Variants in PARP4 observed in about 807,000 individuals in gnomAD.
PARP4 encodes poly(ADP-ribose) polymerase family member 4.
Under a neutral mutation model 187.7 loss-of-function variants are expected in PARP4, and 120 were observed. That is an observed-to-expected ratio of 0.64 (90% CI 0.55 to 0.74). The LOEUF (loss-of-function observed/expected upper bound fraction) is 0.74, where lower values mean the gene tolerates loss of function less well. Among genes scored for constraint, PARP4 ranks in the 30% least tolerant of loss-of-function variants. PARP4 has a pLI of 0.00. For missense variants in PARP4, 1,836 were observed against 2,070.5 expected (o/e 0.89, Z 2.20); for synonymous variants, 654 against 740.9 (o/e 0.88, Z 1.90).
At chr13:24,492,631 C>A (rs766045170) in intron 8 of PARP4, 37 bp from the exon 9 acceptor site, 18 of 1,528,404 alleles carry the variant, frequency 1.2e-5, no homozygotes, top group Non-Finnish European at 1.6e-5. Flanking sequence ...ACAATGAAAT[C>A]TCAATACAGA....
At chr13:24,472,523 G>A (rs1474500338) in intron 15 of PARP4, among the ~76,000 whole-genome samples, 18 of 152,130 alleles carry the variant, frequency 1.2e-4, no homozygotes, top group Non-Finnish European at 2.2e-4. Flanking sequence ...GTACTTGAAC[G>A]TTCTTAATCT....
chr13:24,475,320 G>C (rs1434896852), intron 15 of PARP4, 152 bp downstream of exon 15: 2 of 700,262 alleles, frequency 2.9e-6, no homozygotes, highest in African/African-American at 1.8e-5. Flanking sequence ...AGCCTAGCTA[G>C]TCCCTGGCAT....
At chr13:24,453,842 C>T (rs149928782) in intron 22 of PARP4, among the ~76,000 whole-genome samples, 188 bp from the exon 23 acceptor site, 119 of 152,234 alleles carry the variant, frequency 7.8e-4, no homozygotes, top group Non-Finnish European at 1.2e-3. Context: ...AGGCCAGGCA[C>T]GGTGGCTCAT....
At chr13:24,452,702 A>C (rs758515988) in intron 23 of PARP4, 109 bp from the exon 24 acceptor site, 2 of 794,254 alleles carry the variant, frequency 2.5e-6, no homozygotes, top group East Asian at 2.7e-5. Flanking sequence ...GACACCGAAA[A>C]TATTTTCTTT....
intron 33 of PARP4, among the ~76,000 whole-genome samples, chr13:24,424,081 T>A (rs1020752611): frequency 1.3e-5 from 2 of 152,154 alleles, no homozygotes; most frequent in African/African-American, 4.8e-5. Flanking sequence ...CGTCTCAGCC[T>A]CCTAAAGTGC....
rs1228257121 is a variant in PARP4, at chr13:24,431,408, G to A, written c.4815C>T (p.Ser1605=). The A allele has an allele frequency of 6.3e-7, 1 of 1,597,492 alleles. No individual in the cohort carries two copies. The highest frequency in any genetic ancestry group is 1.8e-5 in the Admixed American group (1 of 56,236). Residue 1605 remains serine, a synonymous_variant, in exon 32 of 34, where the codon AGC becomes AGT. Transcript: ENST00000381989. The part of the protein sequence containing the change: ...ILNLNTNGLH[S]FLKQKGIQSL... ...ATTGAATGCCTTTTTGTTTAAGAAA[G>A]CTGTGCAAACCATTTGTATTAAGAT...
At chr13:24,431,702 AAAG>A (rs1778114154) in intron 31 of PARP4, among the ~76,000 whole-genome samples, 3 of 152,248 alleles carry the variant, frequency 2.0e-5, no homozygotes, top group Non-Finnish European at 4.4e-5. Context: ...TTAAATGAAA[AAAG>A]AAGTTATGTG....
chr13:24,450,054 T>C (rs897045609), intron 24 of PARP4, among the ~76,000 whole-genome samples: 12 of 148,780 alleles, frequency 8.1e-5, no homozygotes, highest in Admixed American at 4.0e-4. Flanking sequence ...TAGAAAAAAG[T>C]TGAAATTCTT....
At chr13:24,433,256 C>T (rs61947016) in intron 31 of PARP4, among the ~76,000 whole-genome samples, 1 of 152,096 alleles carries the variant, frequency 6.6e-6, no homozygotes, top group Non-Finnish European at 1.5e-5. Context: ...TTTTGACCTC[C>T]ACATTCTCAC....
chr13:24,473,070 A>G (rs1872801303), intron 15 of PARP4, among the ~76,000 whole-genome samples: 2 of 151,972 alleles, frequency 1.3e-5, no homozygotes, highest in Admixed American at 1.3e-4. Context: ...AGATGGGACT[A>G]CAGGTGTACG....
intron 1 of PARP4, among the ~76,000 whole-genome samples, chr13:24,510,341 TCAGGAGATCGAGGC>T (rs1348979910): frequency 6.6e-6 from 1 of 151,828 alleles, no homozygotes; most frequent in Non-Finnish European, 1.5e-5. Flanking sequence ...GATCACGAGG[TCAGGAGATCGAGGC>T]CATCCCGGCT....
At chr13:24,506,419 C>T (rs890941291) in intron 1 of PARP4, among the ~76,000 whole-genome samples, 1 of 152,166 alleles carries the variant, frequency 6.6e-6, no homozygotes. Context: ...GTTGCCACTG[C>T]TAGCTCGGGC....
intron 30 of PARP4, among the ~76,000 whole-genome samples, chr13:24,441,135 G>A (rs1870906262): frequency 6.6e-6 from 1 of 151,926 alleles, no homozygotes. Context: ...GCCTCCCATA[G>A]TGCTGGAATT....
At chr13:24,442,552 A>G in intron 29 of PARP4, 38 bp downstream of exon 29, 1 of 1,169,586 alleles carries the variant, frequency 8.6e-7, no homozygotes, top group Non-Finnish European at 1.3e-6. Context: ...GGAAATACAA[A>G]TAAAATAATT....
rs1157720639 is a variant in PARP4, at chr13:24,426,027, A to G, written c.4979+439T>C. On this transcript the variant is annotated intron_variant, in intron 33 of 33. Coordinates refer to ENST00000381989, the MANE Select transcript of PARP4 (RefSeq NM_006437.4). ...AACACATTTAATCTAATAGTTTGCTAGTTTGATTTATAACCTTTAAACACT... is the reference window on the plus strand; with the variant it reads ...AACACATTTAATCTAATAGTTTGCTGGTTTGATTTATAACCTTTAAACACT... Among the ~76,000 whole-genome samples, 4 of 152,308 alleles carry G rather than the reference A, an allele frequency of 2.6e-5. No homozygotes were observed. In the East Asian group the frequency reaches 5.8e-4, roughly 22 times the overall value.
rs753039978 is a variant in PARP4, at chr13:24,498,134, G to A, written c.573C>T (p.Leu191=). Residue 191 remains leucine, a synonymous_variant, in exon 6 of 34, where the codon CTC becomes CTT. Transcript: ENST00000381989. ...GCATTACCTCCATGCCATCATCCAG[G>A]AGGAAGTGTGAGGATATCAGGAAAG... is the stretch of plus-strand genomic sequence containing the variant. ...DCPFLISSHF[L]LDDGMETRRQ... 4.0e-5 allele frequency: 64 copies of A among 1,611,658 alleles called. No individual in the cohort carries two copies. The South Asian group carries it at 6.8e-4, about 17-fold the overall frequency.
At chr13:24,438,374 C>A (rs1294745813) in intron 30 of PARP4, among the ~76,000 whole-genome samples, 1 of 152,202 alleles carries the variant, frequency 6.6e-6, no homozygotes, top group South Asian at 2.1e-4. Flanking sequence ...TCCCTCACTG[C>A]CCCTCACCTC....
At chr13:24,509,731 G>A (rs537639908) in intron 1 of PARP4, among the ~76,000 whole-genome samples, 49 of 151,316 alleles carry the variant, frequency 3.2e-4, no homozygotes, top group Non-Finnish European at 5.9e-4. Context: ...AGCCAGTCTC[G>A]CTCTGTCACC....
In PARP4 at chr13:24,435,331, T is replaced by C. The variant is rs746522644; in HGVS notation, c.3810A>G (p.Pro1270=). 2.0e-5 allele frequency: 32 copies of C among 1,612,522 alleles called. No homozygotes were observed. Among genetic ancestry groups the C allele is most frequent in the Admixed American group, 1.0e-4 (6 of 60,002 alleles). Reference sequence around the variant, plus strand: ...CACGTTCCAAATTTGATGTGAAAGCTGGTAGTACACCTAAGCCATCCTCTT... The same window carrying C: ...CACGTTCCAAATTTGATGTGAAAGCCGGTAGTACACCTAAGCCATCCTCTT... ...DFEEDGLGVL[P]AFTSNLERGG... The change falls in exon 31 of 34, where the codon CCA becomes CCG. Residue 1270 remains proline (P), a synonymous_variant. Transcript: ENST00000381989.
Sources: gnomAD v4.1 joint callset for allele counts (sites outside exome capture counted in the v4.1 genomes callset) on GRCh38, gnomAD v4.1.1 for gene constraint, MANE v1.5 for transcripts, NCBI Gene and HGNC (gene_info 2026-07-23, HGNC 2026-07-21) for gene names.